Variants in ZNF732 observed in about 807,000 individuals in gnomAD.
The protein encoded by ZNF732 is zinc finger protein LOC654254.
Under a neutral mutation model 11.5 loss-of-function variants are expected in ZNF732, and 12 were observed. The ratio of observed to expected loss-of-function variants is 1.05; its 90% CI spans 0.67 to 1.70. The LOEUF (loss-of-function observed/expected upper bound fraction) is 1.70. Among genes scored for constraint, ZNF732 ranks in the 40% most tolerant of loss-of-function variants. The pLI, the probability that ZNF732 is intolerant of heterozygous loss-of-function variation, is 0.00. For synonymous variants in ZNF732, 231 were observed against 236.5 expected (o/e 0.98, Z 0.21); for missense variants, 702 against 676.9 (o/e 1.04, Z -0.41).
chr4:292,375 T>C (rs965852894), intron 3 of ZNF732, among the ~76,000 whole-genome samples: 18 of 151,850 alleles, frequency 1.2e-4, no homozygotes, highest in South Asian at 2.1e-4. Context: ...CTGACCAACA[T>C]GAAGAAACCC....
intron 3 of ZNF732, among the ~76,000 whole-genome samples, chr4:282,019 C>T (rs1477182685): frequency 1.3e-5 from 2 of 152,052 alleles, no homozygotes; most frequent in South Asian, 2.1e-4. Context: ...AGAACCAAGG[C>T]GATATGCTGG....
intron 1 of ZNF732, among the ~76,000 whole-genome samples, chr4:300,214 G>A (rs536187377): frequency 1.3e-5 from 2 of 150,594 alleles, no homozygotes; most frequent in Non-Finnish European, 1.5e-5. Context: ...GGTAATCCCA[G>A]CACTTTGGGA....
intron 1 of ZNF732, among the ~76,000 whole-genome samples, chr4:298,358 T>C (rs540521500): frequency 8.5e-5 from 13 of 152,098 alleles, no homozygotes; most frequent in African/African-American, 3.1e-4. Flanking sequence ...TAATGGACCA[T>C]ATGAAATAGA....
At chr4:285,528 C>T (rs1302223735) in intron 3 of ZNF732, among the ~76,000 whole-genome samples, 2 of 152,124 alleles carry the variant, frequency 1.3e-5, no homozygotes, top group African/African-American at 4.8e-5. Context: ...TGTGGCCACA[C>T]CATTGCCTAG....
chr4:271,592 T>A lies in ZNF732; in HGVS notation c.1265A>T (p.Glu422Val), dbSNP rs1719364285. The A allele has an allele frequency of 1.9e-6, 3 of 1,613,230 alleles. No individual in the cohort carries two copies. Among genetic ancestry groups the A allele is most frequent in the South Asian group, 2.2e-5 (2 of 91,000 alleles). ...GGACCATCCAAAGGCTTTGCCACAC[T>A]CTTCACATTTGTGGGGCCTCTCTCC... ...HTGERPHKCE[E>V]CGKAFGWSTD... Residue 422 changes from glutamate to valine, a missense_variant, in exon 4 of 4, where the codon GAG becomes GTG. This residue lies in a region of ZNF732 where 596 missense variants were observed against 557.9 expected (regional missense o/e 1.07). Coordinates refer to ENST00000419098, the MANE Select transcript of ZNF732 (RefSeq NM_001137608.3).
chr4:304,181 G>A (rs1168714936), intron 1 of ZNF732, among the ~76,000 whole-genome samples: 3 of 152,134 alleles, frequency 2.0e-5, no homozygotes, highest in Non-Finnish European at 4.4e-5. Context: ...GTCCTGGGAG[G>A]AGTGTGGCAA....
chr4:297,250 G>A (rs73217573), intron 1 of ZNF732, among the ~76,000 whole-genome samples: 1 of 151,294 alleles, frequency 6.6e-6, no homozygotes, highest in Non-Finnish European at 1.5e-5. Flanking sequence ...CTGGGCGACA[G>A]CGAGACTCCA....
chr4:299,352 C>T (rs538103790), intron 1 of ZNF732, among the ~76,000 whole-genome samples: 2 of 89,364 alleles, frequency 2.2e-5, no homozygotes, highest in Non-Finnish European at 4.7e-5. Context: ...AGTATATATA[C>T]ACATATATAC....
intron 3 of ZNF732, among the ~76,000 whole-genome samples, chr4:279,319 G>A (rs1336856524): frequency 6.6e-6 from 1 of 151,754 alleles, no homozygotes. Flanking sequence ...GGTGGTGGGC[G>A]CTTGTAGTCC....
rs1159787298 is a variant in ZNF732 at position 281,904 on chromosome 4, T to A, written c.227-9274A>T. Among the ~76,000 whole-genome samples, 3 of 152,178 alleles carry A rather than the reference T, an allele frequency of 2.0e-5. No homozygotes were observed. The East Asian group carries it at 5.8e-4, about 29-fold the overall frequency. The stretch of plus-strand genomic sequence containing the variant: ...GCTAACAGAGAATTTAAAATAATTA[T>A]CTTTAAAAATCTCGATAAGATGCAA... On this transcript the variant is annotated intron_variant, in intron 3 of 3. Coordinates refer to ENST00000419098, the MANE Select transcript of ZNF732 (RefSeq NM_001137608.3).
intron 1 of ZNF732, among the ~76,000 whole-genome samples, chr4:302,632 C>G (rs1351208709): frequency 1.3e-5 from 2 of 152,160 alleles, no homozygotes; most frequent in African/African-American, 4.8e-5. Flanking sequence ...CATGTTCTTG[C>G]TATTCACTTT....
In ZNF732 at chr4:295,711, C is replaced by A. The variant is rs782490037; in HGVS notation, c.131-178G>T. The stretch of plus-strand genomic sequence containing the variant: ...TTAAATCTGTGGGTTCTAAGTTCCA[C>A]TACCAAGTACTACTGAATCAAAATA... On this transcript the variant is annotated intron_variant, in intron 2 of 3. Coordinates refer to ENST00000419098, the MANE Select transcript of ZNF732 (RefSeq NM_001137608.3). 1.3e-4 allele frequency among the ~76,000 whole-genome samples: 20 copies of A among 152,236 alleles called. No homozygotes were observed. The Middle Eastern group carries it at 0.014, about 104-fold the overall frequency.
chr4:288,875 T>C (rs537996543), intron 3 of ZNF732, among the ~76,000 whole-genome samples: 1 of 152,338 alleles, frequency 6.6e-6, no homozygotes, highest in African/African-American at 2.4e-5. Flanking sequence ...AACACAGTGA[T>C]GTAACAGGGT....
At chr4:293,475 T>C (rs1553841714) in intron 3 of ZNF732, among the ~76,000 whole-genome samples, 1 of 151,980 alleles carries the variant, frequency 6.6e-6, no homozygotes, top group African/African-American at 2.4e-5. Flanking sequence ...ACAGGGAATC[T>C]AAAAATGTCA....
intron 3 of ZNF732, among the ~76,000 whole-genome samples, chr4:273,329 A>G (rs900121237): frequency 2.6e-5 from 4 of 152,198 alleles, no homozygotes; most frequent in Middle Eastern, 3.4e-3. Context: ...GGAGAAAACA[A>G]CATTGTAAAG....
rs1553842221 is a variant in ZNF732 at position 296,055 on chromosome 4, T to C, written c.104A>G (p.Glu35Gly). The C allele has an allele frequency of 1.2e-6, 2 of 1,613,810 alleles. No homozygotes were observed. The highest frequency in any genetic ancestry group is 1.6e-4 in the Middle Eastern group (1 of 6,062). ...CAGGGAGATCAGGTTCCTGTAGTTC[T>C]CCAACATCACATCTCTATACAAATT... ...QQNLYRDVML[E>G]NYRNLISLGV... Residue 35 changes from glutamate (E) to glycine (G), a missense_variant, in exon 2 of 4, where the codon GAG (glutamate) becomes GGG (glycine). Physicochemically the swap from Glu to Gly is moderately conservative, Grantham distance 98 (BLOSUM62 -2). This residue lies in a region of ZNF732 where 596 missense variants were observed against 557.9 expected (regional missense o/e 1.07). Coordinates refer to ENST00000419098, the MANE Select transcript of ZNF732 (RefSeq NM_001137608.3).
At chr4:299,707 T>A (rs1720072760) in intron 1 of ZNF732, among the ~76,000 whole-genome samples, 2 of 144,624 alleles carry the variant, frequency 1.4e-5, no homozygotes, top group Non-Finnish European at 3.0e-5. Context: ...TTTTTTTTTT[T>A]TTTAAAGAGA....
At chr4:295,600 T>A in intron 2 of ZNF732, 67 bp from the exon 3 acceptor site, 1 of 1,294,352 alleles carries the variant, frequency 7.7e-7, no homozygotes, top group Non-Finnish European at 1.1e-6. Context: ...AATACTATAC[T>A]AAGTAGAAAA....
chr4:296,095 C>CT lies in ZNF732; in HGVS notation c.63_64insA (p.Asp22ArgfsTer9). 1 of 1,613,874 alleles carries CT rather than the reference C, an allele frequency of 6.2e-7. No individual in the cohort carries two copies. Among genetic ancestry groups the CT allele is most frequent in the Non-Finnish European group, 8.5e-7 (1 of 1,179,910 alleles). On this transcript the variant is annotated frameshift_variant, in exon 2 of 4. Transcript: ENST00000419098. LOFTEE classifies it high-confidence loss of function. ...CTATACAAATTCTGCTGGGCAGGGT[C>CT]CAGGCATTTCCACTCTTCTGGAGAG...
Sources: allele counts gnomAD v4.1 joint callset (sites outside exome capture counted in the v4.1 genomes callset), GRCh38; gene constraint gnomAD v4.1.1; regional missense constraint gnomAD v4.1.1; transcripts MANE v1.5; gene names NCBI Gene and HGNC (gene_info 2026-07-23, HGNC 2026-07-21).